GOLGA1: variants seen among roughly 807,000 people sequenced by gnomAD.
GOLGA1 encodes golgin A1.
A neutral mutation model predicts 119.7 loss-of-function variants in GOLGA1; 63 were observed. The observed-to-expected ratio is 0.53, with a 90% CI of 0.43 to 0.65. The LOEUF (loss-of-function observed/expected upper bound fraction) is 0.65. Among genes scored for constraint, GOLGA1 ranks in the 30% least tolerant of loss-of-function variants. The pLI, the probability that GOLGA1 is intolerant of heterozygous loss-of-function variation, is 0.00. For synonymous variants in GOLGA1, 318 were observed against 333.4 expected, an observed-to-expected ratio of 0.95 and a Z score of 0.50; for missense variants, 798 against 912.8, an observed-to-expected ratio of 0.87 and a Z score of 1.62.
rs1406890288 is a variant in GOLGA1, at chr9:124,946,994, T to G, written c.-156+924A>C. On this transcript the variant is annotated intron_variant, in intron 1 of 4. Transcript: ENST00000421514. The surrounding 1 kb of genome is among the most constrained non-coding windows in gnomAD (Gnocchi z 4.0). ...TAACAACCTCCCGTTCCTCACTAAA[T>G]CCTATCCTACTTAGGTTAGGCCATC... The G allele has an allele frequency of 6.6e-6, 1 of 152,140 alleles. No individual in the cohort carries two copies. The highest frequency in any genetic ancestry group is 2.4e-5 in the African/African-American group (1 of 41,432). 9.4% of individuals were successfully genotyped at this position (152,140 alleles called of 1,614,324 possible).
chr9:124,905,686 A>G (rs1299460428), intron 12 of GOLGA1, among the ~76,000 whole-genome samples: 11 of 152,152 alleles, frequency 7.2e-5, no homozygotes, highest in African/African-American at 2.7e-4. Context: ...TTTTTCATAG[A>G]TAATATGATT....
At position 124,881,557 on chromosome 9, in the gene GOLGA1, T is replaced by C. The variant is rs998543898; in HGVS notation, c.2136+227A>G. Among the ~76,000 whole-genome samples, 6 of 152,140 alleles carry C rather than the reference T, an allele frequency of 3.9e-5. No individual in the cohort carries two copies. Among genetic ancestry groups the C allele is most frequent in the African/African-American group, 1.4e-4 (6 of 41,448 alleles). The stretch of plus-strand genomic sequence containing the variant: ...TGGCCTCAGCACCCAGGCCAGGATT[T>C]AGAAGTGGAGCCTATGTCTCCCACC... On this transcript the variant is annotated intron_variant, in intron 21 of 22. Transcript: ENST00000373555. This position sits in a 1 kb window ranked among gnomAD's most constrained non-coding sequence, Gnocchi z 4.9.
intron 11 of GOLGA1, among the ~76,000 whole-genome samples, chr9:124,909,425 G>A (rs1168455763): frequency 6.6e-6 from 1 of 151,182 alleles, no homozygotes; most frequent in African/African-American, 2.4e-5. Context: ...GACCAACATG[G>A]TGAAGCCCTG....
chr9:124,920,674 G>A (rs1290904266), intron 10 of GOLGA1, among the ~76,000 whole-genome samples: 1 of 151,892 alleles, frequency 6.6e-6, no homozygotes, highest in Admixed American at 6.6e-5. Flanking sequence ...GGTGGCTCAC[G>A]CCTGTAATCT....
In GOLGA1 at chr9:124,888,322, C is replaced by T; in HGVS notation, c.1836G>A (p.Gly612=). The T allele has an allele frequency of 6.2e-7, 1 of 1,613,840 alleles. No individual in the cohort carries two copies. The highest frequency in any genetic ancestry group is 8.5e-7 in the Non-Finnish European group (1 of 1,179,730). ...TCTGTAGCTGTGTGAGATCCATGGC[C>T]CCAACCTCACCATTTGGTGTTCTTC... is the stretch of plus-strand genomic sequence containing the variant. ...TAGRTPNGEV[G]AMDLTQLQKE... The change falls in exon 19 of 23, where the codon GGG becomes GGA. Residue 612 remains glycine (G), a synonymous_variant. Coordinates refer to ENST00000373555, the MANE Select transcript of GOLGA1 (RefSeq NM_002077.4). This position sits in a 1 kb window ranked among gnomAD's most constrained non-coding sequence, Gnocchi z 4.4.
chr9:124,922,391 A>T (rs1830588633), intron 8 of GOLGA1, among the ~76,000 whole-genome samples: 1 of 151,294 alleles, frequency 6.6e-6, no homozygotes, highest in South Asian at 2.1e-4. Context: ...CACCTCTACA[A>T]AAAATACAAA....
intron 19 of GOLGA1, among the ~76,000 whole-genome samples, chr9:124,883,133 T>A (rs1829628851): frequency 6.6e-6 from 1 of 152,040 alleles, no homozygotes; most frequent in Admixed American, 6.5e-5. Flanking sequence ...GGAGTCTCAC[T>A]CTGTTGCCCA....
Position 124,881,636 on chromosome 9 carries a change from C to G in GOLGA1, c.2136+148G>C, listed in dbSNP as rs1218719726. 2 of 675,934 alleles carry G rather than the reference C, an allele frequency of 3.0e-6. No individual in the cohort carries two copies. The highest frequency in any genetic ancestry group is 3.6e-5 in the African/African-American group (2 of 55,450). The allele number at this position is 675,934 out of a possible 1,614,324, so 41.9% of individuals were successfully genotyped here. A position where few individuals can be genotyped will look rare whatever the true frequency, so the allele number is the denominator to read the frequency against. On this transcript the variant is annotated intron_variant, in intron 21 of 22. Transcript: ENST00000373555. This position sits in a 1 kb window ranked among gnomAD's most constrained non-coding sequence, Gnocchi z 4.9. ...GCCAGCCGCTCACTCCGCAGGCCAACGCCAGCAGGAGAAATGACTGGGTGA... is the reference window on the plus strand; with the variant it reads ...GCCAGCCGCTCACTCCGCAGGCCAAGGCCAGCAGGAGAAATGACTGGGTGA...
At chr9:124,926,094 A>C (rs368643597) in intron 7 of GOLGA1, among the ~76,000 whole-genome samples, 1 of 152,332 alleles carries the variant, frequency 6.6e-6, no homozygotes, top group South Asian at 2.1e-4. Context: ...AGAGACGGCC[A>C]TCTCAAATCA....
At chr9:124,900,401 G>T in intron 13 of GOLGA1, 51 bp downstream of exon 13, 1 of 934,674 alleles carries the variant, frequency 1.1e-6, no homozygotes, top group Non-Finnish European at 1.8e-6. Context: ...GCAAAGGCCT[G>T]GAGAGAAAGC....
chr9:124,919,613 T>C (rs1053829270), intron 10 of GOLGA1, among the ~76,000 whole-genome samples: 12 of 152,246 alleles, frequency 7.9e-5, no homozygotes, highest in African/African-American at 2.9e-4. Context: ...TAGGTATCTG[T>C]AAGTATGATA....
chr9:124,908,577 T>C (rs974665285), intron 11 of GOLGA1, 105 bp from the exon 12 acceptor site: 5 of 715,160 alleles, frequency 7.0e-6, no homozygotes, highest in Non-Finnish European at 1.3e-5. Context: ...ACAAGAGACA[T>C]GAATACATTT....
intron 19 of GOLGA1, among the ~76,000 whole-genome samples, chr9:124,886,795 G>A (rs554754725): frequency 9.2e-5 from 14 of 152,116 alleles, no homozygotes; most frequent in Non-Finnish European, 1.9e-4. Flanking sequence ...AGCAGGAGGT[G>A]GGAGCACCAG....
At chr9:124,900,970 ATTTT>A (rs1214606701) in intron 12 of GOLGA1, among the ~76,000 whole-genome samples, 1 of 136,740 alleles carries the variant, frequency 7.3e-6, no homozygotes, top group Non-Finnish European at 1.6e-5. Flanking sequence ...TTCACACAGT[ATTTT>A]TTTTTTTTTT....
Position 124,881,289 on chromosome 9 carries a change from C to T in GOLGA1, c.2137-32G>A. 1 of 1,328,926 alleles carries T rather than the reference C, an allele frequency of 7.5e-7. No individual in the cohort carries two copies. Among genetic ancestry groups the T allele is most frequent in the South Asian group, 1.2e-5 (1 of 85,484 alleles). 82.3% of individuals were successfully genotyped at this position (1,328,926 alleles called of 1,614,324 possible). Reference sequence around the variant, plus strand: ...CACAGTAAGTTTTGCTGCCATAGGCCTTGGTGAAGGTGAGGCGGGGTGGGG... The same window carrying T: ...CACAGTAAGTTTTGCTGCCATAGGCTTTGGTGAAGGTGAGGCGGGGTGGGG... On this transcript the variant is annotated intron_variant, in intron 21 of 22. Transcript: ENST00000373555. This position sits in a 1 kb window ranked among gnomAD's most constrained non-coding sequence, Gnocchi z 4.9.
chr9:124,938,198 A>G (rs1306994752), intron 3 of GOLGA1, among the ~76,000 whole-genome samples: 2 of 152,190 alleles, frequency 1.3e-5, no homozygotes, highest in African/African-American at 4.8e-5. Context: ...CCCATACCAC[A>G]ACTCAGAGAC....
In GOLGA1 at chr9:124,881,316, C is replaced by A; in HGVS notation, c.2137-59G>T. 2.1e-6 allele frequency: 2 copies of A among 946,886 alleles called. No homozygotes were observed. The highest frequency in any genetic ancestry group is 2.6e-5 in the South Asian group (2 of 77,708). The allele number at this position is 946,886 out of a possible 1,614,324, so 58.7% of individuals were successfully genotyped here. A position where few individuals can be genotyped will look rare whatever the true frequency, so the allele number is the denominator to read the frequency against. On this transcript the variant is annotated intron_variant, in intron 21 of 22. Transcript: ENST00000373555. The surrounding 1 kb of genome is among the most constrained non-coding windows in gnomAD (Gnocchi z 4.9). ...TGGTGAAGGTGAGGCGGGGTGGGGTCGGGGGAGCTACGTGGCATTTCCTGC... is the reference window on the plus strand; with the variant it reads ...TGGTGAAGGTGAGGCGGGGTGGGGTAGGGGGAGCTACGTGGCATTTCCTGC...
chr9:124,942,088 T>C (rs903947092), upstream of GOLGA1, among the ~76,000 whole-genome samples: 4 of 152,182 alleles, frequency 2.6e-5, no homozygotes, highest in Admixed American at 2.0e-4. Flanking sequence ...CAGCCTAACA[T>C]AGCGAAACCT....
intron 3 of GOLGA1, among the ~76,000 whole-genome samples, chr9:124,935,023 G>A (rs1043676000): frequency 3.3e-5 from 5 of 152,146 alleles, no homozygotes; most frequent in Non-Finnish European, 1.5e-5. Flanking sequence ...CTCCAGCCTG[G>A]GTGCCAGAAA....
Sources: gnomAD v4.1 joint callset for allele counts (sites outside exome capture counted in the v4.1 genomes callset) on GRCh38, gnomAD v4.1.1 for gene constraint, Gnocchi (gnomAD v3.1) non-coding constraint, MANE v1.5 for transcripts, NCBI Gene and HGNC (gene_info 2026-07-23, HGNC 2026-07-21) for gene names.